The following PLA2G6 variants were observed in gnomAD, a reference collection of about 807,000 sequenced individuals.
The protein encoded by PLA2G6 is phospholipase A2 group VI.
A neutral mutation model predicts 83.8 loss-of-function variants in PLA2G6; 62 were observed. The ratio of observed to expected loss-of-function variants is 0.74; its 90% CI spans 0.60 to 0.91. The LOEUF is 0.91. Ranked by LOEUF, PLA2G6 falls within the 40% of genes least tolerant of loss-of-function variation. PLA2G6 has a pLI of 0.00. For missense variants in PLA2G6, 944 were observed against 1,102.0 expected, an observed-to-expected ratio of 0.86 and a Z score of 2.03; for synonymous variants, 417 against 449.8, an observed-to-expected ratio of 0.93 and a Z score of 0.92.
At position 38,128,878 on chromosome 22, in the gene PLA2G6, C is replaced by T. The variant is rs919586781; in HGVS notation, c.1187-448G>A. On this transcript the variant is annotated intron_variant, in intron 8 of 16. Coordinates refer to ENST00000332509, the MANE Select transcript of PLA2G6 (RefSeq NM_003560.4). The surrounding 1 kb of genome is among the most constrained non-coding windows in gnomAD (Gnocchi z 4.4). ...TAGATGCGGTGCATGCAGACACACA[C>T]GTGTGCACTGGCACACACACACTGC... Among the ~76,000 whole-genome samples, 4 of 152,236 alleles carry T rather than the reference C, an allele frequency of 2.6e-5. No individual in the cohort carries two copies. The highest frequency in any genetic ancestry group is 5.9e-5 in the Non-Finnish European group (4 of 68,036).
At chr22:38,153,985 T>C (rs1322260595) in intron 2 of PLA2G6, among the ~76,000 whole-genome samples, 1 of 152,096 alleles carries the variant, frequency 6.6e-6, no homozygotes, top group Non-Finnish European at 1.5e-5. Flanking sequence ...GGGGCAGTGG[T>C]GGCCATGGAG....
intron 1 of PLA2G6, among the ~76,000 whole-genome samples, chr22:38,179,395 T>C (rs1023832295): frequency 5.3e-5 from 8 of 152,182 alleles, no homozygotes; most frequent in East Asian, 1.9e-4. Context: ...AATACTCCTA[T>C]GTCCTAAGAT....
chr22:38,166,747 A>G (rs2090230618), intron 2 of PLA2G6, among the ~76,000 whole-genome samples: 1 of 152,104 alleles, frequency 6.6e-6, no homozygotes, highest in East Asian at 1.9e-4. Flanking sequence ...ATAAATACAT[A>G]CATACATACA....
chr22:38,148,465 G>C, intron 2 of PLA2G6: 1 of 715,538 alleles, frequency 1.4e-6, no homozygotes, highest in East Asian at 2.7e-5. Flanking sequence ...GCAGGCACTG[G>C]ATACCTCAAA....
Position 38,169,203 on chromosome 22 carries a change from C to T in PLA2G6, c.209+15G>A. On this transcript the variant is annotated intron_variant, in intron 2 of 16. Coordinates refer to ENST00000332509, the MANE Select transcript of PLA2G6 (RefSeq NM_003560.4). ...GTGAAAGGAGAGAAGTATGTTCCCG[C>T]TGAGCATCACCCACCGGAATCCACT... 3 of 1,597,548 alleles carry T rather than the reference C, an allele frequency of 1.9e-6. No homozygotes were observed. The highest frequency in any genetic ancestry group is 2.6e-6 in the Non-Finnish European group (3 of 1,165,380).
At chr22:38,162,646 C>T (rs113330944) in intron 2 of PLA2G6, among the ~76,000 whole-genome samples, 3 of 152,292 alleles carry the variant, frequency 2.0e-5, no homozygotes, top group South Asian at 2.1e-4. Flanking sequence ...CCAGAGGCAA[C>T]GCTGAGTCAG....
At chr22:38,124,312 T>C (rs190187552) in intron 10 of PLA2G6, among the ~76,000 whole-genome samples, 326 of 152,214 alleles carry the variant, frequency 2.1e-3, no homozygotes, top group African/African-American at 7.6e-3. Flanking sequence ...TATTTTTGAG[T>C]GACGGAGGGA....
intron 12 of PLA2G6, among the ~76,000 whole-genome samples, chr22:38,118,416 C>G (rs4821740): frequency 0.35 from 53,721 of 152,050 alleles, 9,756 homozygotes; most frequent in South Asian, 0.43. Context: ...ACTCCATATT[C>G]GTTTCTTCTG....
rs2086911947 is a variant in PLA2G6 at position 38,112,318 on chromosome 22, G to A, written c.2277-13C>T. On this transcript the variant is annotated splice_polypyrimidine_tract_variant and intron_variant, in intron 16 of 16. Coordinates refer to ENST00000332509, the MANE Select transcript of PLA2G6 (RefSeq NM_003560.4). ...CTGGGGGTTCAATCTGTTCGGGCCA[G>A]GGAGGAGGGGGTCACCCTAGGATGC... The A allele has an allele frequency of 1.9e-6, 3 of 1,612,566 alleles. No individual in the cohort carries two copies. The highest frequency in any genetic ancestry group is 2.7e-5 in the African/African-American group (2 of 74,916).
intron 1 of PLA2G6, among the ~76,000 whole-genome samples, chr22:38,177,095 T>C (rs2090663982): frequency 6.6e-6 from 1 of 150,770 alleles, no homozygotes; most frequent in African/African-American, 2.4e-5. Context: ...CTGTTTGGCA[T>C]GTGGAGAAAT....
chr22:38,143,748 G>A (rs955418933), intron 3 of PLA2G6: 1 of 297,390 alleles, frequency 3.4e-6, no homozygotes, highest in Non-Finnish European at 6.6e-6. Context: ...TTTTTGTTTT[G>A]TTTTGTTTTT....
chr22:38,170,722 C>G (rs986747175), intron 1 of PLA2G6, among the ~76,000 whole-genome samples: 68 of 152,066 alleles, frequency 4.5e-4, no homozygotes, highest in African/African-American at 1.5e-3. Flanking sequence ...AGTATGGGTG[C>G]CCTGGGGGAG....
chr22:38,115,841 T>A (rs2087157975), intron 13 of PLA2G6, 160 bp from the exon 14 acceptor site: 7 of 1,474,754 alleles, frequency 4.7e-6, no homozygotes, highest in Non-Finnish European at 6.3e-6. Context: ...ACTCTCTGGC[T>A]AGTTCGTCCT....
chr22:38,146,096 T>C, intron 2 of PLA2G6: 1 of 238,582 alleles, frequency 4.2e-6, no homozygotes, highest in Non-Finnish European at 8.4e-6. Context: ...AGTGCAGTGT[T>C]GTAATCTCAC....
chr22:38,121,083 G>C (rs1441321838), intron 11 of PLA2G6, 174 bp from the exon 12 acceptor site: 1 of 640,012 alleles, frequency 1.6e-6, no homozygotes, highest in African/African-American at 1.8e-5. Context: ...CAGACAGAGA[G>C]AAACCTCCTT....
chr22:38,174,826 C>T (rs1287745110), intron 1 of PLA2G6, among the ~76,000 whole-genome samples: 1 of 152,106 alleles, frequency 6.6e-6, no homozygotes, highest in Non-Finnish European at 1.5e-5. Context: ...AACGTGAACA[C>T]AGGTCACCTG....
intron 2 of PLA2G6, among the ~76,000 whole-genome samples, chr22:38,164,795 C>A: frequency 6.6e-6 from 1 of 152,178 alleles, no homozygotes; most frequent in Admixed American, 6.5e-5. Flanking sequence ...TAGGGCAACA[C>A]AGGAGGAAGA....
At chr22:38,134,811 C>T (rs1399376503) in intron 6 of PLA2G6, 177 bp downstream of exon 6, 2 of 600,066 alleles carry the variant, frequency 3.3e-6, no homozygotes, top group Non-Finnish European at 6.0e-6. Flanking sequence ...AGCCAGAGAG[C>T]AGCAGAGCCC....
chr22:38,119,448 A>C (rs1220967289), intron 12 of PLA2G6, among the ~76,000 whole-genome samples: 1 of 152,210 alleles, frequency 6.6e-6, no homozygotes, highest in Non-Finnish European at 1.5e-5. Context: ...AAAAGACCTC[A>C]ATGTAAAAGG....
Sources: allele counts gnomAD v4.1 joint callset (sites outside exome capture counted in the v4.1 genomes callset), GRCh38; gene constraint gnomAD v4.1.1; non-coding constraint Gnocchi (gnomAD v3.1); transcripts MANE v1.5; gene names NCBI Gene and HGNC (gene_info 2026-07-23, HGNC 2026-07-21).